The following XYLB variants were observed in gnomAD, a reference collection of about 807,000 sequenced individuals.
XYLB encodes the protein xylulose kinase.
Under a neutral mutation model 78.7 loss-of-function variants are expected in XYLB, and 62 were observed. The observed-to-expected ratio is 0.79, with a 90% CI of 0.64 to 0.97. The LOEUF is 0.97. Among genes scored for constraint, XYLB ranks in the 50% least tolerant of loss-of-function variants. The probability of loss-of-function intolerance (pLI) is 0.00; values close to 1 mark genes in which losing one functional copy is unlikely to be tolerated. For missense variants in XYLB, 687 were observed against 676.8 expected, an observed-to-expected ratio of 1.02 and a Z score of -0.17; for synonymous variants, 245 against 247.4, an observed-to-expected ratio of 0.99 and a Z score of 0.09.
At chr3:38,449,727 T>A in the XYLB span, among the ~76,000 whole-genome samples, 1 of 152,372 alleles carries the variant, frequency 6.6e-6, no homozygotes, top group African/African-American at 2.4e-5. Flanking sequence ...GCCCTCTTAG[T>A]CTGTGTCCCT....
At chr3:38,409,925 G>A (rs978084573) in intron 18 of XYLB, among the ~76,000 whole-genome samples, 11 of 152,188 alleles carry the variant, frequency 7.2e-5, no homozygotes, top group African/African-American at 1.9e-4. Context: ...TCATGGATAG[G>A]AGGAATCAAT....
intron 15 of XYLB, among the ~76,000 whole-genome samples, chr3:38,379,957 G>A (rs78072016): frequency 6.6e-6 from 1 of 152,326 alleles, no homozygotes; most frequent in East Asian, 1.9e-4. Flanking sequence ...AAGAGGGCCT[G>A]CTTGCTAGTA....
chr3:38,448,157 T>C, the XYLB span, among the ~76,000 whole-genome samples: 1 of 152,138 alleles, frequency 6.6e-6, no homozygotes, highest in African/African-American at 2.4e-5. Flanking sequence ...CAAATATATA[T>C]TCTCACTTAT....
chr3:38,370,312 T>C (rs1706491182), intron 9 of XYLB, 138 bp downstream of exon 9: 1 of 652,450 alleles, frequency 1.5e-6, no homozygotes, highest in Admixed American at 2.6e-5. Flanking sequence ...GGCATACACA[T>C]GCAGGGTCTT....
chr3:38,411,012 C>T (rs978388496), intron 18 of XYLB, among the ~76,000 whole-genome samples: 1 of 152,090 alleles, frequency 6.6e-6, no homozygotes, highest in Admixed American at 6.5e-5. Context: ...ACCATTTGAC[C>T]CAGCCATCCC....
At chr3:38,405,793 G>A (rs561519642) in intron 18 of XYLB, among the ~76,000 whole-genome samples, 61 of 152,372 alleles carry the variant, frequency 4.0e-4, no homozygotes, top group African/African-American at 1.4e-3. Flanking sequence ...TAGCACAGCA[G>A]TCTGAGATCA....
intron 2 of XYLB, 123 bp downstream of exon 2, chr3:38,348,755 A>C (rs1705204972): frequency 2.6e-6 from 2 of 782,260 alleles, no homozygotes; most frequent in African/African-American, 3.5e-5. Flanking sequence ...TGGTCTCGGC[A>C]GACCTTTCAA....
rs764118655 is a variant in XYLB at position 38,346,884 on chromosome 3, C to A, written c.16C>A (p.Pro6Thr). 1 of 1,520,470 alleles carries A rather than the reference C, an allele frequency of 6.6e-7. No individual in the cohort carries two copies. Among genetic ancestry groups the A allele is most frequent in the East Asian group, 2.8e-5 (1 of 36,200 alleles). The allele number at this position is 1,520,470 out of a possible 1,614,324, so 94.2% of individuals were successfully genotyped here. A position where few individuals can be genotyped will look rare whatever the true frequency, so the allele number is the denominator to read the frequency against. ...CCGAAAGGCCATGGCGGAGCACGCC[C>A]CTCGCCGCTGCTGCCTGGGCTGGGA... MAEHA[P>T]RRCCLGWDFS... is the part of the protein sequence containing the mutation. The change falls in exon 1 of 19, where the codon CCT (proline) becomes ACT (threonine). Residue 6 changes from proline (P) to threonine (T), a missense_variant. Pro to Thr is a conservative substitution (Grantham distance 38). Transcript: ENST00000207870.
chr3:38,430,920 G>A, the XYLB span, among the ~76,000 whole-genome samples: 1 of 152,172 alleles, frequency 6.6e-6, no homozygotes, highest in Non-Finnish European at 1.5e-5. Context: ...CTATATATCT[G>A]TTTTGGTACC....
At chr3:38,380,371 C>T (rs997472508) in intron 15 of XYLB, among the ~76,000 whole-genome samples, 4 of 152,062 alleles carry the variant, frequency 2.6e-5, no homozygotes, top group East Asian at 3.9e-4. Flanking sequence ...TTACAGGTGG[C>T]GTTGGAATGG....
At chr3:38,372,499 G>A in intron 9 of XYLB, 156 bp from the exon 10 acceptor site, 1 of 985,412 alleles carries the variant, frequency 1.0e-6, no homozygotes, top group South Asian at 4.7e-5. Flanking sequence ...CCCAGTTTGT[G>A]ACAGGAAGTG....
intron 18 of XYLB, among the ~76,000 whole-genome samples, chr3:38,404,361 C>T (rs1176091397): frequency 2.0e-5 from 3 of 152,200 alleles, no homozygotes; most frequent in African/African-American, 7.2e-5. Flanking sequence ...AATTTATCTC[C>T]CTAAGCCCTT....
the XYLB span, among the ~76,000 whole-genome samples, chr3:38,438,897 A>T: frequency 6.6e-6 from 1 of 152,136 alleles, no homozygotes; most frequent in Non-Finnish European, 1.5e-5. Flanking sequence ...ACAAACCTCT[A>T]GCTAGCCACA....
chr3:38,368,322 G>A, intron 8 of XYLB, 65 bp downstream of exon 8: 3 of 1,489,412 alleles, frequency 2.0e-6, no homozygotes, highest in Non-Finnish European at 2.8e-6. Context: ...TGTGCAAGCA[G>A]TGGGAGCCCC....
At chr3:38,415,779 C>CA (rs903885651), downstream of XYLB, among the ~76,000 whole-genome samples, 4 of 151,652 alleles carry the variant, frequency 2.6e-5, no homozygotes, top group African/African-American at 4.9e-5. Flanking sequence ...GACTCTGTCT[C>CA]AAAAAAATAA....
At chr3:38,393,138 A>C (rs566909580) in intron 15 of XYLB, among the ~76,000 whole-genome samples, 2 of 149,708 alleles carry the variant, frequency 1.3e-5, no homozygotes, top group African/African-American at 4.9e-5. Context: ...CTTTCTCTGT[A>C]CTCCCTTTCA....
intron 15 of XYLB, among the ~76,000 whole-genome samples, chr3:38,387,473 C>T (rs531977644): frequency 6.6e-5 from 10 of 152,206 alleles, no homozygotes; most frequent in South Asian, 2.1e-4. Flanking sequence ...TGGGCTCAAG[C>T]GCTTCTCCTG....
At chr3:38,433,510 T>G in the XYLB span, among the ~76,000 whole-genome samples, 5 of 152,242 alleles carry the variant, frequency 3.3e-5, no homozygotes, top group African/African-American at 1.2e-4. Context: ...TATGCTCTGC[T>G]TCCTTTGAAC....
intron 6 of XYLB, 99 bp downstream of exon 6, chr3:38,365,835 A>G: frequency 6.9e-7 from 1 of 1,453,808 alleles, no homozygotes. Flanking sequence ...GAGGTCATGG[A>G]GGTGTTGTGG....
Sources: allele counts gnomAD v4.1 joint callset (sites outside exome capture counted in the v4.1 genomes callset), GRCh38; gene constraint gnomAD v4.1.1; transcripts MANE v1.5; gene names NCBI Gene and HGNC (gene_info 2026-07-23, HGNC 2026-07-21).